The following WNT2B variants were observed in gnomAD, a reference collection of about 807,000 sequenced individuals.
WNT2B encodes the protein Wnt family member 2B.
A neutral mutation model predicts 40.5 loss-of-function variants in WNT2B; 19 were observed. That is an observed-to-expected ratio of 0.47 (90% confidence interval 0.33 to 0.69). WNT2B has a LOEUF of 0.69. Among genes scored for constraint, WNT2B ranks in the 30% least tolerant of loss-of-function variants. The probability of loss-of-function intolerance (pLI) is 0.02; values close to 1 mark genes in which losing one functional copy is unlikely to be tolerated. For synonymous variants in WNT2B, 220 were observed against 211.9 expected (o/e 1.04, Z -0.33); for missense variants, 467 against 556.4 (o/e 0.84, Z 1.62).
chr1:112,482,507 T>C (rs1415086355), intron 1 of WNT2B, among the ~76,000 whole-genome samples: 3 of 151,980 alleles, frequency 2.0e-5, no homozygotes, highest in Non-Finnish European at 4.4e-5. Context: ...ACTAATTTTA[T>C]CTTTTTGTAA....
chr1:112,475,837 A>G (rs1651040579), intron 1 of WNT2B, among the ~76,000 whole-genome samples: 1 of 152,200 alleles, frequency 6.6e-6, no homozygotes, highest in Non-Finnish European at 1.5e-5. Context: ...TTACAATTTA[A>G]ATAGCCTAAA....
At chr1:112,512,128 A>G (rs1402946075) in intron 1 of WNT2B, among the ~76,000 whole-genome samples, 2 of 152,384 alleles carry the variant, frequency 1.3e-5, no homozygotes, top group South Asian at 4.1e-4. Flanking sequence ...ACATACAAAC[A>G]TAAAACATCT....
chr1:112,494,082 G>T (rs984887727), intron 1 of WNT2B, among the ~76,000 whole-genome samples: 2 of 151,736 alleles, frequency 1.3e-5, no homozygotes, highest in Admixed American at 6.6e-5. Flanking sequence ...GGCTGAGGCG[G>T]GTGGATTGCC....
At chr1:112,477,222 C>G (rs750891170) in intron 1 of WNT2B, among the ~76,000 whole-genome samples, 6 of 152,220 alleles carry the variant, frequency 3.9e-5, no homozygotes, top group Non-Finnish European at 8.8e-5. Flanking sequence ...GCCTTGGCTG[C>G]TGAGGGCCTC....
chr1:112,519,802 TA>T (rs1652755940), intron 4 of WNT2B, among the ~76,000 whole-genome samples: 1 of 151,526 alleles, frequency 6.6e-6, no homozygotes, highest in East Asian at 1.9e-4. Context: ...TCATTTTGAC[TA>T]AATCACACAA....
intron 1 of WNT2B, among the ~76,000 whole-genome samples, chr1:112,486,562 A>G (rs1447037584): frequency 6.6e-6 from 1 of 152,244 alleles, no homozygotes; most frequent in Non-Finnish European, 1.5e-5. Context: ...AAAAGAATGA[A>G]AAGACAAGCC....
intron 1 of WNT2B, among the ~76,000 whole-genome samples, chr1:112,482,892 C>T (rs181340188): frequency 6.6e-6 from 1 of 152,280 alleles, no homozygotes; most frequent in East Asian, 1.9e-4. Context: ...TTAACGCCAT[C>T]CCTATCAAAA....
intron 1 of WNT2B, among the ~76,000 whole-genome samples, chr1:112,512,985 GC>G (rs1301117061): frequency 2.6e-5 from 4 of 152,334 alleles, no homozygotes; most frequent in African/African-American, 9.6e-5. Context: ...TATGTGGGCT[GC>G]AGCAGAATGG....
intron 1 of WNT2B, among the ~76,000 whole-genome samples, chr1:112,485,263 C>A (rs1340288504): frequency 1.3e-5 from 2 of 152,108 alleles, no homozygotes; most frequent in African/African-American, 4.8e-5. Flanking sequence ...GAGTTTGAGA[C>A]CAGCCTGCCC....
Position 112,509,152 on chromosome 1 carries a change from C to T in WNT2B, c.-111C>T, listed in dbSNP as rs145615759. ...CAGGTGATCCTAGGTCCCCAGCCGCCGGCGAACACCATGGCCCCCCAGGGG... is the reference window on the plus strand; with the variant it reads ...CAGGTGATCCTAGGTCCCCAGCCGCTGGCGAACACCATGGCCCCCCAGGGG... On this transcript the variant is annotated 5_prime_UTR_variant, in exon 1 of 5. Coordinates refer to ENST00000369684, the MANE Select transcript of WNT2B (RefSeq NM_024494.3). This position sits in a 1 kb window ranked among gnomAD's most constrained non-coding sequence, Gnocchi z 4.2. 2,939 of 1,376,812 alleles carry T rather than the reference C, an allele frequency of 2.1e-3. 54 individuals are homozygous for T. The African/African-American group carries it at 0.04, about 19-fold the overall frequency. The allele number at this position is 1,376,812 out of a possible 1,614,324, so 85.3% of individuals were successfully genotyped here.
rs527857908 is a variant in WNT2B, at chr1:112,529,630, A to G, written c.*9121A>G. ...CATAGAGACAGAAGTCTCAACTTGT[A>G]TAACTGGTTAAGCAACCAGGGAAAT... On this transcript the variant is annotated 3_prime_UTR_variant, in exon 5 of 5. Coordinates refer to ENST00000369684, the MANE Select transcript of WNT2B (RefSeq NM_024494.3). The G allele has an allele frequency of 2.0e-5, 3 of 152,270 alleles. No individual in the cohort carries two copies. Among genetic ancestry groups the G allele is most frequent in the Non-Finnish European group, 4.4e-5 (3 of 68,006 alleles). 9.4% of individuals were successfully genotyped at this position (152,270 alleles called of 1,614,324 possible).
At position 112,515,438 on chromosome 1, in the gene WNT2B, A is replaced by G. The variant is rs969222444; in HGVS notation, c.403+344A>G. On this transcript the variant is annotated intron_variant, in intron 2 of 4. Transcript: ENST00000369684. This position sits in a 1 kb window ranked among gnomAD's most constrained non-coding sequence, Gnocchi z 4.4. ...GTCTATGATAGGCCCTCTGTTCTTA[A>G]CACCACCATCACTATCGTCACCCCA... Among the ~76,000 whole-genome samples the G allele has an allele frequency of 2.0e-5, 3 of 152,166 alleles. No individual in the cohort carries two copies. Among genetic ancestry groups the G allele is most frequent in the African/African-American group, 7.2e-5 (3 of 41,416 alleles).
At position 112,525,901 on chromosome 1, in the gene WNT2B, G is replaced by C; in HGVS notation, c.*5392G>C. The stretch of plus-strand genomic sequence containing the variant: ...GCTTTTTCATATGCAAAATGCTTTA[G>C]CATATATGTAATCCTCACAACAACC... On this transcript the variant is annotated 3_prime_UTR_variant, in exon 5 of 5. Coordinates refer to ENST00000369684, the MANE Select transcript of WNT2B (RefSeq NM_024494.3). 7.0e-7 allele frequency: 1 copy of C among 1,430,774 alleles called. No individual in the cohort carries two copies. The highest frequency in any genetic ancestry group is 9.4e-7 in the Non-Finnish European group (1 of 1,065,230). 88.6% of individuals were successfully genotyped at this position (1,430,774 alleles called of 1,614,324 possible).
At position 112,483,213 on chromosome 1, in the gene WNT2B, CACACACACAT is replaced by C. The variant is rs750861695; in HGVS notation, c.-95+15624_-95+15633del. 8.3e-3 allele frequency among the ~76,000 whole-genome samples: 542 copies of C among 65,568 alleles called. 7 individuals are homozygous for C. Among genetic ancestry groups the C allele is most frequent in the African/African-American group, 0.064 (496 of 7,730 alleles). 43.0% of individuals were successfully genotyped at this position (65,568 alleles called of 152,430 possible). ...ACACACACACACACACACACACACA[CACACACACAT>C]ATACACACACACACACATTATAGTA... On this transcript the variant is annotated intron_variant, in intron 1 of 4. Transcript: ENST00000256640.
In WNT2B at chr1:112,527,594, G is replaced by A. The variant is rs1557934506; in HGVS notation, c.*7085G>A. On this transcript the variant is annotated 3_prime_UTR_variant, in exon 5 of 5. Transcript: ENST00000369684. ...GAGGCAGAGCAGGAGAGTGTTGAAT[G>A]AGCTGCTGATGACAGCAGCTTCATA... 6.5e-6 allele frequency: 1 copy of A among 152,672 alleles called. No homozygotes were observed. Among genetic ancestry groups the A allele is most frequent in the Non-Finnish European group, 1.5e-5 (1 of 68,044 alleles). The allele number at this position is 152,672 out of a possible 1,614,324, so 9.5% of individuals were successfully genotyped here.
rs971678961 is a variant in WNT2B, at chr1:112,527,839, T to C, written c.*7330T>C. 3.9e-5 allele frequency: 6 copies of C among 152,184 alleles called. No homozygotes were observed. The highest frequency in any genetic ancestry group is 2.9e-5 in the Non-Finnish European group (2 of 68,036). 9.4% of individuals were successfully genotyped at this position (152,184 alleles called of 1,614,324 possible). A position where few individuals can be genotyped will look rare whatever the true frequency, so the allele number is the denominator to read the frequency against. ...GAGGTGGAGGCCAACCCTGAACACA[T>C]GCGCTGCTTCTTTAGGAATGTAACT... On this transcript the variant is annotated 3_prime_UTR_variant, in exon 5 of 5. Transcript: ENST00000369684.
intron 1 of WNT2B, among the ~76,000 whole-genome samples, chr1:112,510,991 T>TG (rs1652330387): frequency 6.6e-6 from 1 of 152,178 alleles, no homozygotes; most frequent in African/African-American, 2.4e-5. Context: ...GTTTGCTTTT[T>TG]GGGACTCTTG....
At position 112,522,416 on chromosome 1, in the gene WNT2B, C is replaced by G. The variant is rs1329165292; in HGVS notation, c.*1907C>G. ...CCCTGGCTGGTCTAGCCCATCATGA[C>G]TTCTCTAGGAACAGTCCTTCTTTAG... On this transcript the variant is annotated 3_prime_UTR_variant, in exon 5 of 5. Coordinates refer to ENST00000369684, the MANE Select transcript of WNT2B (RefSeq NM_024494.3). 5 of 152,278 alleles carry G rather than the reference C, an allele frequency of 3.3e-5. No individual in the cohort carries two copies. The highest frequency in any genetic ancestry group is 7.3e-5 in the Non-Finnish European group (5 of 68,052). The allele number at this position is 152,278 out of a possible 1,614,324, so 9.4% of individuals were successfully genotyped here.
intron 1 of WNT2B, among the ~76,000 whole-genome samples, chr1:112,498,503 G>A (rs1294626498): frequency 1.3e-5 from 2 of 151,658 alleles, no homozygotes; most frequent in African/African-American, 4.8e-5. Context: ...CCAAAGTGCT[G>A]GGATTACAGA....
Sources: allele counts gnomAD v4.1 joint callset (sites outside exome capture counted in the v4.1 genomes callset), GRCh38; gene constraint gnomAD v4.1.1; non-coding constraint Gnocchi (gnomAD v3.1); transcripts MANE v1.5; gene names NCBI Gene and HGNC (gene_info 2026-07-23, HGNC 2026-07-21).